The following LRCH2 variants were observed in gnomAD, a reference collection of about 807,000 sequenced individuals.
LRCH2 encodes the protein leucine rich repeats and calponin homology domain containing 2, also known as leucine-rich repeat and calponin homology domain-containing protein 2.
Under a neutral mutation model 68.9 loss-of-function variants are expected in LRCH2, and 38 were observed. The ratio of observed to expected loss-of-function variants is 0.55; its 90% CI spans 0.43 to 0.72. The LOEUF is 0.72. Among genes scored for constraint, LRCH2 ranks in the 30% least tolerant of loss-of-function variants. The probability of loss-of-function intolerance (pLI) is 0.00; values close to 1 mark genes in which losing one functional copy is unlikely to be tolerated. For synonymous variants in LRCH2, 191 were observed against 208.1 expected, an observed-to-expected ratio of 0.92 and a Z score of 0.71; for missense variants, 528 against 572.9, an observed-to-expected ratio of 0.92 and a Z score of 0.80.
chrX:115,196,062 T>A (rs782193356), intron 1 of LRCH2, among the ~76,000 whole-genome samples: 1 of 111,146 alleles, frequency 9.0e-6, no homozygotes, highest in Non-Finnish European at 1.9e-5. Flanking sequence ...GGAATGGGGA[T>A]CAATGGGGAA....
At chrX:115,233,378 G>C (rs1223641768) in intron 1 of LRCH2, among the ~76,000 whole-genome samples, 1 of 111,966 alleles carries the variant, frequency 8.9e-6, no homozygotes, top group Non-Finnish European at 1.9e-5. Context: ...AGATCCAGGA[G>C]AGTTGAAAGA....
intron 1 of LRCH2, among the ~76,000 whole-genome samples, chrX:115,216,065 C>T (rs2073040195): frequency 9.0e-6 from 1 of 111,397 alleles, no homozygotes; most frequent in African/African-American, 3.3e-5. Flanking sequence ...AAATTAGAAA[C>T]AACTTAAATG....
At position 115,159,990 on chromosome X, in the gene LRCH2, TAA is replaced by T. The variant is rs782776393; in HGVS notation, c.1464-3325_1464-3324del. Among the ~76,000 whole-genome samples, 19 of 110,887 alleles carry T rather than the reference TAA, an allele frequency of 1.7e-4. No individual in the cohort carries two copies. In the South Asian group the frequency reaches 7.3e-3, roughly 43 times the overall value. ...TAGTTTCATGTACCAAGTACTGGCATAAAGTTTCTTAAAGAATCAAAGACATT... is the reference window on the plus strand; with the variant it reads ...TAGTTTCATGTACCAAGTACTGGCATAGTTTCTTAAAGAATCAAAGACATT... On this transcript the variant is annotated intron_variant, in intron 11 of 20. Transcript: ENST00000317135.
chrX:115,135,338 A>C (rs1253810150), intron 14 of LRCH2, among the ~76,000 whole-genome samples: 1 of 108,554 alleles, frequency 9.2e-6, no homozygotes, highest in East Asian at 2.9e-4. Flanking sequence ...CCATTGGCCC[A>C]AGCTGGTCTC....
intron 14 of LRCH2, among the ~76,000 whole-genome samples, chrX:115,140,781 C>T (rs1196636412): frequency 9.0e-6 from 1 of 111,636 alleles, no homozygotes; most frequent in South Asian, 3.8e-4. Flanking sequence ...AGAAGAGTGG[C>T]AAGGACTTTG....
chrX:115,191,113 C>T lies in LRCH2; in HGVS notation c.350-2743G>A, dbSNP rs782436457. 42 of 1,165,141 alleles carry T rather than the reference C, an allele frequency of 3.6e-5. No individual in the cohort carries two copies. The highest frequency in any genetic ancestry group is 2.1e-4 in the Admixed American group (8 of 38,457). ...AGAAGGCCGCTATGAGTACCGAGGC[C>T]GCTCGCATGACGCCCACAGTGGGGG... On this transcript the variant is annotated intron_variant, in intron 1 of 20. Coordinates refer to ENST00000317135, the MANE Select transcript of LRCH2 (RefSeq NM_020871.4).
At chrX:115,173,344 A>G (rs1347423189) in intron 5 of LRCH2, among the ~76,000 whole-genome samples, 3 of 111,510 alleles carry the variant, frequency 2.7e-5, no homozygotes, top group Non-Finnish European at 5.6e-5. Flanking sequence ...TGATTAAATT[A>G]CAAAGGTCTC....
chrX:115,172,849 G>T (rs981418606), intron 5 of LRCH2, among the ~76,000 whole-genome samples: 1 of 102,722 alleles, frequency 9.7e-6, no homozygotes, highest in African/African-American at 3.6e-5. Flanking sequence ...CAGACAAGAA[G>T]AATTCCCCTT....
chrX:115,125,568 T>C lies in LRCH2; in HGVS notation c.1791+1275A>G, dbSNP rs868959782. ...ATATATATATATATATATATATATA[T>C]ATATACACACACACATATATATATA... On this transcript the variant is annotated intron_variant, in intron 16 of 20. Coordinates refer to ENST00000317135, the MANE Select transcript of LRCH2 (RefSeq NM_020871.4). 1.8e-4 allele frequency among the ~76,000 whole-genome samples: 5 copies of C among 28,432 alleles called. 1 individual carries two copies. The highest frequency in any genetic ancestry group is 6.0e-3 in the South Asian group (2 of 332). 24.7% of individuals were successfully genotyped at this position (28,432 alleles called of 115,157 possible). A position where few individuals can be genotyped will look rare whatever the true frequency, so the allele number is the denominator to read the frequency against.
At chrX:115,218,384 C>G (rs1243916611) in intron 1 of LRCH2, among the ~76,000 whole-genome samples, 1 of 112,145 alleles carries the variant, frequency 8.9e-6, no homozygotes, top group Non-Finnish European at 1.9e-5. Context: ...TAGAACTAAA[C>G]TGAAAGGAAA....
Position 115,189,161 on chromosome X carries a change from T to C in LRCH2, c.350-791A>G, listed in dbSNP as rs2072758019. Among the ~76,000 whole-genome samples, 4 of 112,247 alleles carry C rather than the reference T, an allele frequency of 3.6e-5. No individual in the cohort carries two copies. In the Admixed American group the frequency reaches 3.8e-4, roughly 11 times the overall value. On this transcript the variant is annotated intron_variant, in intron 1 of 20. Transcript: ENST00000317135. ...CCACCATATCAATAACCATTCCATATGTCTGGAAAGATTATTTTCCTCTGG... is the reference window on the plus strand; with the variant it reads ...CCACCATATCAATAACCATTCCATACGTCTGGAAAGATTATTTTCCTCTGG...
At chrX:115,130,111 ATAAG>A in intron 15 of LRCH2, 40 bp downstream of exon 15, 1 of 786,815 alleles carries the variant, frequency 1.3e-6, no homozygotes, top group Non-Finnish European at 1.8e-6. Context: ...ACTTCATATG[ATAAG>A]TAAACATTTC....
intron 20 of LRCH2, among the ~76,000 whole-genome samples, chrX:115,114,512 A>T (rs1036259946): frequency 9.0e-6 from 1 of 110,916 alleles, no homozygotes; most frequent in Non-Finnish European, 1.9e-5. Flanking sequence ...AATAAAGTAA[A>T]AAAACAAAAA....
chrX:115,186,475 A>T (rs2072732554), intron 2 of LRCH2, among the ~76,000 whole-genome samples: 1 of 111,934 alleles, frequency 8.9e-6, no homozygotes, highest in Non-Finnish European at 1.9e-5. Context: ...AGAAGAATTC[A>T]GTCACTAGAA....
intron 2 of LRCH2, among the ~76,000 whole-genome samples, chrX:115,185,609 A>T (rs1477045072): frequency 1.5e-5 from 1 of 65,775 alleles, no homozygotes; most frequent in African/African-American, 5.0e-5. Flanking sequence ...ACAAAAGTCC[A>T]GTGTTACTCA....
chrX:115,130,029 G>A (rs1218096484), intron 15 of LRCH2, 126 bp downstream of exon 15: 2 of 364,955 alleles, frequency 5.5e-6, no homozygotes, highest in Non-Finnish European at 9.6e-6. Context: ...TTTTATTGTT[G>A]AAAAAAAACC....
chrX:115,189,439 G>A (rs781880677), intron 1 of LRCH2: 3 of 1,164,405 alleles, frequency 2.6e-6, no homozygotes, highest in Non-Finnish European at 3.4e-6. Context: ...TCGGCAGGGA[G>A]ACATGATGGA....
intron 20 of LRCH2, among the ~76,000 whole-genome samples, chrX:115,120,904 AG>A (rs1349437695): frequency 2.8e-5 from 3 of 106,463 alleles, no homozygotes; most frequent in African/African-American, 1.0e-4. Context: ...CATCATTCTC[AG>A]TAAACTATCG....
intron 1 of LRCH2, among the ~76,000 whole-genome samples, chrX:115,205,792 G>T (rs1180307385): frequency 9.0e-6 from 1 of 110,653 alleles, no homozygotes; most frequent in African/African-American, 3.3e-5. Flanking sequence ...CAAAAAATTA[G>T]CCAGGCATAG....
Sources: gnomAD v4.1 joint callset for allele counts (sites outside exome capture counted in the v4.1 genomes callset) on GRCh38, gnomAD v4.1.1 for gene constraint, MANE v1.5 for transcripts, NCBI Gene and HGNC (gene_info 2026-07-23, HGNC 2026-07-21) for gene names.